SGCZ: variants seen among roughly 807,000 people sequenced by gnomAD.
The protein encoded by SGCZ is zeta-sarcoglycan.
A neutral mutation model predicts 41.3 loss-of-function variants in SGCZ; 40 were observed. That is an observed-to-expected ratio of 0.97 (90% CI 0.75 to 1.26). SGCZ has a LOEUF of 1.26. Among genes scored for constraint, SGCZ ranks in the 50% most tolerant of loss-of-function variants. SGCZ has a pLI of 0.00. For missense variants in SGCZ, 552 were observed against 369.8 expected, an observed-to-expected ratio of 1.49 and a Z score of -4.04; for synonymous variants, 206 against 137.5, an observed-to-expected ratio of 1.50 and a Z score of -3.49.
intron 3 of SGCZ, among the ~76,000 whole-genome samples, chr8:14,250,703 G>C (rs1034261352): frequency 4.6e-5 from 7 of 152,070 alleles, no homozygotes; most frequent in Non-Finnish European, 8.8e-5. Flanking sequence ...TGCCAGAATC[G>C]TTTGTTATTG....
rs1220123176 is a variant in SGCZ at position 14,986,291 on chromosome 8, C to A, written c.39+251294G>T. The stretch of plus-strand genomic sequence containing the variant: ...TATAGAAAACTCTTAATATAGCAAA[C>A]TGGTAATTACCACTAAGGTTCTTAC... On this transcript the variant is annotated intron_variant, in intron 1 of 7. Coordinates refer to ENST00000382080, the MANE Select transcript of SGCZ (RefSeq NM_139167.4). Among the ~76,000 whole-genome samples, 4 of 152,150 alleles carry A rather than the reference C, an allele frequency of 2.6e-5. No homozygotes were observed. The East Asian group carries it at 7.7e-4, about 29-fold the overall frequency.
intron 4 of SGCZ, among the ~76,000 whole-genome samples, chr8:14,210,078 G>C (rs1018237550): frequency 6.6e-6 from 1 of 152,044 alleles, no homozygotes; most frequent in Non-Finnish European, 1.5e-5. Context: ...CTTTCTTTGA[G>C]ACAGGGTCTC....
chr8:14,164,844 T>A, intron 4 of SGCZ, 142 bp from the exon 5 acceptor site: 4 of 1,095,268 alleles, frequency 3.7e-6, no homozygotes, highest in Non-Finnish European at 5.1e-6. Context: ...TTAGTATCTT[T>A]AAATTGTCAC....
intron 1 of SGCZ, among the ~76,000 whole-genome samples, chr8:14,633,384 A>G (rs1401843184): frequency 6.6e-6 from 1 of 151,954 alleles, no homozygotes; most frequent in Non-Finnish European, 1.5e-5. Context: ...TTTCTCTAAA[A>G]TAGACATAGT....
intron 1 of SGCZ, among the ~76,000 whole-genome samples, chr8:14,695,207 T>C (rs1808920323): frequency 6.6e-6 from 1 of 152,176 alleles, no homozygotes; most frequent in African/African-American, 2.4e-5. Context: ...ATGATAATGA[T>C]GACATAATGA....
chr8:14,836,475 C>T (rs1427352472), intron 1 of SGCZ, among the ~76,000 whole-genome samples: 1 of 152,126 alleles, frequency 6.6e-6, no homozygotes, highest in Non-Finnish European at 1.5e-5. Context: ...GTCGCCCTCC[C>T]TCTCTGCATT....
At chr8:14,415,215 T>G (rs1388080432) in intron 2 of SGCZ, among the ~76,000 whole-genome samples, 4 of 151,942 alleles carry the variant, frequency 2.6e-5, no homozygotes, top group Non-Finnish European at 4.4e-5. Flanking sequence ...ATGATTCATT[T>G]AAATATAAAT....
chr8:14,437,890 T>C (rs1380361608), intron 2 of SGCZ, among the ~76,000 whole-genome samples: 1 of 151,920 alleles, frequency 6.6e-6, no homozygotes, highest in Non-Finnish European at 1.5e-5. Flanking sequence ...ATCTCAAAAA[T>C]CACTGACCTA....
chr8:14,458,997 T>G lies in SGCZ; in HGVS notation c.234+95735A>C, dbSNP rs546402720. On this transcript the variant is annotated intron_variant, in intron 2 of 7. Coordinates refer to ENST00000382080, the MANE Select transcript of SGCZ (RefSeq NM_139167.4). ...CATAGTGGCCAACTTGACAGAGATTTCATTTGTCAAACTGGGCACCCTCTC... is the reference window on the plus strand; with the variant it reads ...CATAGTGGCCAACTTGACAGAGATTGCATTTGTCAAACTGGGCACCCTCTC... Among the ~76,000 whole-genome samples, 21 of 152,298 alleles carry G rather than the reference T, an allele frequency of 1.4e-4. 1 individual carries two copies. Among genetic ancestry groups the G allele is most frequent in the African/African-American group, 4.8e-4 (20 of 41,574 alleles).
intron 1 of SGCZ, among the ~76,000 whole-genome samples, chr8:15,144,684 G>A (rs779784466): frequency 3.3e-5 from 5 of 152,132 alleles, no homozygotes; most frequent in Non-Finnish European, 5.9e-5. Flanking sequence ...TCGAACTCCC[G>A]ACCTCAGGTG....
At chr8:14,931,567 T>C (rs937782596) in intron 1 of SGCZ, among the ~76,000 whole-genome samples, 1 of 151,948 alleles carries the variant, frequency 6.6e-6, no homozygotes, top group African/African-American at 2.4e-5. Flanking sequence ...TGGCTTTTGT[T>C]TGCAAAAAAT....
At chr8:14,094,737 T>A (rs915248200) in intron 7 of SGCZ, among the ~76,000 whole-genome samples, 3 of 152,132 alleles carry the variant, frequency 2.0e-5, no homozygotes, top group Admixed American at 6.5e-5. Flanking sequence ...GTTGAACTAA[T>A]TTACACTCCC....
At chr8:14,427,717 T>C (rs1316010849) in intron 2 of SGCZ, among the ~76,000 whole-genome samples, 1 of 152,128 alleles carries the variant, frequency 6.6e-6, no homozygotes, top group Admixed American at 6.6e-5. Flanking sequence ...AGCAGGTAAC[T>C]ATCACAAGGA....
intron 4 of SGCZ, among the ~76,000 whole-genome samples, chr8:14,176,604 CA>C (rs1469372323): frequency 6.6e-6 from 1 of 152,026 alleles, no homozygotes; most frequent in Admixed American, 6.6e-5. Flanking sequence ...TATAAAAGGA[CA>C]AAAATATAAA....
In SGCZ at chr8:14,152,656, C is replaced by T. The variant is rs111622610; in HGVS notation, c.547+11924G>A. Among the ~76,000 whole-genome samples the T allele has an allele frequency of 3.9e-4, 59 of 152,226 alleles. 1 individual carries two copies. The highest frequency in any genetic ancestry group is 1.3e-3 in the African/African-American group (55 of 41,526). ...AACAAAACTTGCATCCACCATATGG[C>T]CCAGCAAACACACCCCTAGATATTT... On this transcript the variant is annotated intron_variant, in intron 5 of 7. Coordinates refer to ENST00000382080, the MANE Select transcript of SGCZ (RefSeq NM_139167.4).
chr8:14,301,060 A>AATCATC (rs58825148), intron 3 of SGCZ, among the ~76,000 whole-genome samples: 36,888 of 147,840 alleles, frequency 0.25, 5,413 homozygotes, highest in Non-Finnish European at 0.34. Context: ...AACACAAGAA[A>AATCATC]ATCATCATCA....
intron 4 of SGCZ, among the ~76,000 whole-genome samples, chr8:14,223,906 T>A (rs1223084335): frequency 1.3e-5 from 2 of 152,222 alleles, no homozygotes; most frequent in African/African-American, 4.8e-5. Context: ...TCCAGTAATG[T>A]GAAAAGAGTT....
At chr8:15,223,932 G>A (rs1801689105) in intron 1 of SGCZ, among the ~76,000 whole-genome samples, 1 of 152,082 alleles carries the variant, frequency 6.6e-6, no homozygotes, top group Non-Finnish European at 1.5e-5. Flanking sequence ...TCAGCTCACT[G>A]TAACCTCCAC....
rs1800129791 is a variant in SGCZ, at chr8:14,937,703, A to G, written c.39+299882T>C. On this transcript the variant is annotated intron_variant, in intron 1 of 7. Coordinates refer to ENST00000382080, the MANE Select transcript of SGCZ (RefSeq NM_139167.4). The stretch of plus-strand genomic sequence containing the variant: ...GAATTGTGTTGAGCTCTTAAATTAC[A>G]ATTTTGTTTTAGATATCCTTTTTCT... Among the ~76,000 whole-genome samples, 2 of 152,104 alleles carry G rather than the reference A, an allele frequency of 1.3e-5. 1 individual carries two copies. The highest frequency in any genetic ancestry group is 2.9e-5 in the Non-Finnish European group (2 of 67,974).
Sources: gnomAD v4.1 joint callset for allele counts (sites outside exome capture counted in the v4.1 genomes callset) on GRCh38, gnomAD v4.1.1 for gene constraint, MANE v1.5 for transcripts, NCBI Gene and HGNC (gene_info 2026-07-23, HGNC 2026-07-21) for gene names.